Variants in LTBP4 observed in about 807,000 individuals in gnomAD.
LTBP4 encodes latent transforming growth factor beta binding protein 4.
A neutral mutation model predicts 180.2 loss-of-function variants in LTBP4; 93 were observed. That is an observed-to-expected ratio of 0.52 (90% CI 0.44 to 0.61). The LOEUF (loss-of-function observed/expected upper bound fraction) is 0.61. Ranked by LOEUF, LTBP4 falls within the 20% of genes least tolerant of loss-of-function variation. The pLI is 0.00. For synonymous variants in LTBP4, 947 were observed against 934.5 expected (o/e 1.01, Z -0.24); for missense variants, 2,116 against 2,256.5 (o/e 0.94, Z 1.26).
At position 40,609,954 on chromosome 19, in the gene LTBP4, A is replaced by C; in HGVS notation, c.1684+83A>C. 7.0e-7 allele frequency: 1 copy of C among 1,424,180 alleles called. No homozygotes were observed. Among genetic ancestry groups the C allele is most frequent in the Non-Finnish European group, 9.2e-7 (1 of 1,087,616 alleles). 88.2% of individuals were successfully genotyped at this position (1,424,180 alleles called of 1,614,324 possible). On this transcript the variant is annotated intron_variant, in intron 11 of 29. Coordinates refer to ENST00000396819, the MANE Select transcript of LTBP4 (RefSeq NM_001042545.2). The surrounding 1 kb of genome is among the most constrained non-coding windows in gnomAD (Gnocchi z 4.9). ...ACTCCAGAGCCTCTCCAGCCCTCCC[A>C]CGCTTCCCCTCTCGGGTCCCGCCCC...
In LTBP4 at chr19:40,608,279, C is replaced by T. The variant is rs111506468; in HGVS notation, c.1216C>T (p.Arg406Cys). The change falls in exon 8 of 30, where the codon CGC becomes TGC. Residue 406 changes from arginine to cysteine, a missense_variant. Coordinates refer to ENST00000396819, the MANE Select transcript of LTBP4 (RefSeq NM_001042545.2). ...TTACCACTACTCGGCCTCCGACCTCCGCTACAACACCAGACCCCTGGGCCA... is the reference window on the plus strand; with the variant it reads ...TTACCACTACTCGGCCTCCGACCTCTGCTACAACACCAGACCCCTGGGCCA... Reference protein sequence around the residue: ...PGYHYSASDLRYNTRPLGQEP... With the variant: ...PGYHYSASDLCYNTRPLGQEP... 9.2e-5 allele frequency: 148 copies of T among 1,613,910 alleles called. No homozygotes were observed. The highest frequency in any genetic ancestry group is 1.7e-4 in the Admixed American group (10 of 60,016).
At chr19:40,623,900 G>C in intron 25 of LTBP4, 36 bp from the exon 26 acceptor site, 1 of 1,611,838 alleles carries the variant, frequency 6.2e-7, no homozygotes, top group Non-Finnish European at 8.5e-7. Context: ...GGTGGGGAGA[G>C]TTGAAGGGGA....
In LTBP4 at chr19:40,601,376, G is replaced by T. The variant is rs1373875954; in HGVS notation, c.-12G>T. ...CTGGGGCGGCGGCGCGGCGGAGCGC[G>T]GCGCTGCAGCCATGGCGGGCGGCGT... On this transcript the variant is annotated 5_prime_UTR_variant, in exon 1 of 30. Coordinates refer to ENST00000396819, the MANE Select transcript of LTBP4 (RefSeq NM_001042545.2). 9 of 1,206,358 alleles carry T rather than the reference G, an allele frequency of 7.5e-6. No homozygotes were observed. The highest frequency in any genetic ancestry group is 9.3e-6 in the Non-Finnish European group (9 of 970,798). 74.7% of individuals were successfully genotyped at this position (1,206,358 alleles called of 1,614,324 possible). A position where few individuals can be genotyped will look rare whatever the true frequency, so the allele number is the denominator to read the frequency against.
chr19:40,603,317 A>T (rs1218276323), intron 1 of LTBP4, among the ~76,000 whole-genome samples: 1 of 152,174 alleles, frequency 6.6e-6, no homozygotes, highest in East Asian at 1.9e-4. Context: ...GCAGCCATTA[A>T]TAAAAAGCCT....
At position 40,605,237 on chromosome 19, in the gene LTBP4, G is replaced by A; in HGVS notation, c.442+11G>A. On this transcript the variant is annotated intron_variant, in intron 2 of 29. Coordinates refer to ENST00000396819, the MANE Select transcript of LTBP4 (RefSeq NM_001042545.2). This position sits in a 1 kb window ranked among gnomAD's most constrained non-coding sequence, Gnocchi z 5.5. ...GCGACGACGAGCACGGTGAGGAAAG[G>A]GTGGCCAGAGTCCCCTCCGACCCCT... The A allele has an allele frequency of 6.3e-7, 1 of 1,579,730 alleles. No individual in the cohort carries two copies. Among genetic ancestry groups the A allele is most frequent in the Non-Finnish European group, 8.6e-7 (1 of 1,162,574 alleles).
rs2081450699 is a variant in LTBP4 at position 40,605,243 on chromosome 19, C to T, written c.442+17C>T. 1.3e-6 allele frequency: 2 copies of T among 1,576,530 alleles called. No homozygotes were observed. Among genetic ancestry groups the T allele is most frequent in the Admixed American group, 1.8e-5 (1 of 54,132 alleles). On this transcript the variant is annotated intron_variant, in intron 2 of 29. Coordinates refer to ENST00000396819, the MANE Select transcript of LTBP4 (RefSeq NM_001042545.2). This position sits in a 1 kb window ranked among gnomAD's most constrained non-coding sequence, Gnocchi z 5.5. ...ACGAGCACGGTGAGGAAAGGGTGGC[C>T]AGAGTCCCCTCCGACCCCTGTCAAG...
intron 18 of LTBP4, 29 bp from the exon 19 acceptor site, chr19:40,614,286 A>G: frequency 6.3e-7 from 1 of 1,579,846 alleles, no homozygotes; most frequent in Non-Finnish European, 8.6e-7. Flanking sequence ...CCTGCTTCCC[A>G]CATCCGACCA....
rs1158286135 is a variant in LTBP4, at chr19:40,623,720, C to T, written c.3673C>T (p.Leu1225=). 6.2e-7 allele frequency: 1 copy of T among 1,613,844 alleles called. No homozygotes were observed. The highest frequency in any genetic ancestry group is 2.2e-5 in the East Asian group (1 of 44,884). ...SNGYYYHTQR[L]ECIDNDECAD... is the part of the protein sequence containing the mutation. ...CGGCTACTACTACCACACACAGCGG[C>T]TGGAGTGCATCGGTACAAGCCCCAC... is the stretch of plus-strand genomic sequence containing the variant. The change falls in exon 25 of 30, where the codon CTG becomes TTG. Residue 1225 remains leucine, a synonymous_variant. Coordinates refer to ENST00000396819, the MANE Select transcript of LTBP4 (RefSeq NM_001042545.2).
chr19:40,610,505 T>A, intron 11 of LTBP4, 27 bp from the exon 12 acceptor site: 2 of 1,577,438 alleles, frequency 1.3e-6, no homozygotes, highest in Non-Finnish European at 1.7e-6. Flanking sequence ...TCTGCCCCAG[T>A]CCCAGCCGCC....
chr19:40,618,957 G>A (rs759225568), intron 21 of LTBP4, among the ~76,000 whole-genome samples: 11 of 152,026 alleles, frequency 7.2e-5, no homozygotes, highest in Non-Finnish European at 1.6e-4. Flanking sequence ...GAACCTCTGG[G>A]CTAACATCTC....
In LTBP4 at chr19:40,605,368, G is replaced by T. The variant is rs374855586; in HGVS notation, c.443-37G>T. 2 of 1,609,570 alleles carry T rather than the reference G, an allele frequency of 1.2e-6. No homozygotes were observed. The highest frequency in any genetic ancestry group is 1.7e-6 in the Non-Finnish European group (2 of 1,177,740). On this transcript the variant is annotated intron_variant, in intron 2 of 29. Coordinates refer to ENST00000396819, the MANE Select transcript of LTBP4 (RefSeq NM_001042545.2). The surrounding 1 kb of genome is among the most constrained non-coding windows in gnomAD (Gnocchi z 5.5). ...GTCTAGCCCCACCCCGTAAGAACCC[G>T]TGTAGACATCCGTTTGCCCGGCCGT...
Position 40,627,290 on chromosome 19 carries a change from G to C in LTBP4, c.4301G>C (p.Arg1434Pro). ...GGCCCGGGCACCCGCTGGCCCTATC[G>C]GTCCCGGGACACCCGCCGCTCCTTC... ...PPGPGTRWPY[R>P]SRDTRRSFPE... is the part of the protein sequence containing the mutation. Residue 1434 changes from arginine to proline, a missense_variant, in exon 28 of 30, where the codon CGG (arginine) becomes CCG (proline). By Grantham distance (103) the Arg-to-Pro change is moderately radical. Coordinates refer to ENST00000396819, the MANE Select transcript of LTBP4 (RefSeq NM_001042545.2). 2 of 1,512,622 alleles carry C rather than the reference G, an allele frequency of 1.3e-6. No individual in the cohort carries two copies. The highest frequency in any genetic ancestry group is 1.8e-6 in the Non-Finnish European group (2 of 1,132,166). The allele number at this position is 1,512,622 out of a possible 1,614,324, so 93.7% of individuals were successfully genotyped here. A position where few individuals can be genotyped will look rare whatever the true frequency, so the allele number is the denominator to read the frequency against.
At chr19:40,628,790 C>T (rs1222201608) in intron 29 of LTBP4, among the ~76,000 whole-genome samples, 1 of 152,106 alleles carries the variant, frequency 6.6e-6, no homozygotes, top group Non-Finnish European at 1.5e-5. Flanking sequence ...TTGTAATGTG[C>T]TTAAAACAAT....
chr19:40,623,106 C>T, intron 24 of LTBP4, 85 bp downstream of exon 24: 2 of 1,018,260 alleles, frequency 2.0e-6, no homozygotes, highest in Non-Finnish European at 2.8e-6. Context: ...CTGTCTCTCA[C>T]CCTTTCTGTT....
rs2146056428 is a variant in LTBP4, at chr19:40,629,460, C to G, written c.4584C>G (p.Asn1528Lys). 2 of 1,611,732 alleles carry G rather than the reference C, an allele frequency of 1.2e-6. No homozygotes were observed. The highest frequency in any genetic ancestry group is 1.7e-6 in the Non-Finnish European group (2 of 1,178,838). Residue 1528 changes from asparagine to lysine, a missense_variant, in exon 30 of 30, where the codon AAC becomes AAG. Asn to Lys is a moderately conservative substitution (Grantham distance 94). Transcript: ENST00000396819. The surrounding 1 kb of genome is among the most constrained non-coding windows in gnomAD (Gnocchi z 4.5). The stretch of plus-strand genomic sequence containing the variant: ...TGTGCGTCAACGCGCGTTGCCTCAA[C>G]ACGGATGGCTCCTTCCGCTGCATCT... The part of the protein sequence containing the change: ...SPLCVNARCL[N>K]TDGSFRCICR...
chr19:40,622,814 A>G lies in LTBP4; in HGVS notation c.3485-136A>G, dbSNP rs1196473966. 9 of 1,374,684 alleles carry G rather than the reference A, an allele frequency of 6.5e-6. No homozygotes were observed. Among genetic ancestry groups the G allele is most frequent in the Non-Finnish European group, 8.9e-6 (9 of 1,013,930 alleles). The allele number at this position is 1,374,684 out of a possible 1,614,324, so 85.2% of individuals were successfully genotyped here. A position where few individuals can be genotyped will look rare whatever the true frequency, so the allele number is the denominator to read the frequency against. On this transcript the variant is annotated intron_variant, in intron 23 of 29. Transcript: ENST00000396819. This position sits in a 1 kb window ranked among gnomAD's most constrained non-coding sequence, Gnocchi z 5.1. The stretch of plus-strand genomic sequence containing the variant: ...AGGGCGAGCTGCCAGGCAGGTGGGC[A>G]TGGGCAGACATAAGGCTGAGAGGTG...
Position 40,605,506 on chromosome 19 carries a change from G to T in LTBP4, c.544G>T (p.Ala182Ser). 1 of 1,609,874 alleles carries T rather than the reference G, an allele frequency of 6.2e-7. No individual in the cohort carries two copies. The highest frequency in any genetic ancestry group is 2.2e-5 in the East Asian group (1 of 44,810). The change falls in exon 3 of 30, where the codon GCT becomes TCT. Residue 182 changes from alanine to serine, a missense_variant. By Grantham distance (99) the Ala-to-Ser change is moderately conservative (BLOSUM62 1). Transcript: ENST00000396819. This position sits in a 1 kb window ranked among gnomAD's most constrained non-coding sequence, Gnocchi z 5.5. ...GTCTGGCCCTTGGGAGGAGGCGGACGCTGAGGCGGTGGCGCGGGCGGAAGC... is the reference window on the plus strand; with the variant it reads ...GTCTGGCCCTTGGGAGGAGGCGGACTCTGAGGCGGTGGCGCGGGCGGAAGC... Reference protein sequence around the residue: ...RVSGPWEEADAEAVARAEAAA... With the variant: ...RVSGPWEEADSEAVARAEAAA...
At chr19:40,595,271 T>C (rs1256409535) in intron 1 of LTBP4, among the ~76,000 whole-genome samples, 1 of 152,064 alleles carries the variant, frequency 6.6e-6, no homozygotes, top group Non-Finnish European at 1.5e-5. Context: ...AGAAGGGGCT[T>C]GTATTTCAGA....
In LTBP4 at chr19:40,629,432, C is replaced by G. The variant is rs770813716; in HGVS notation, c.4556C>G (p.Pro1519Arg). The part of the protein sequence containing the change: ...NECDEAEAAS[P>R]LCVNARCLNT... ...TGTGATGAGGCCGAGGCTGCCTCCC[C>G]GCTGTGCGTCAACGCGCGTTGCCTC... Residue 1519 changes from proline to arginine, a missense_variant, in exon 30 of 30, where the codon CCG becomes CGG. Transcript: ENST00000396819. The surrounding 1 kb of genome is among the most constrained non-coding windows in gnomAD (Gnocchi z 4.5). 2.5e-6 allele frequency: 4 copies of G among 1,612,796 alleles called. No homozygotes were observed. Among genetic ancestry groups the G allele is most frequent in the Non-Finnish European group, 3.4e-6 (4 of 1,179,548 alleles).
Sources: allele counts gnomAD v4.1 joint callset (sites outside exome capture counted in the v4.1 genomes callset), GRCh38; gene constraint gnomAD v4.1.1; non-coding constraint Gnocchi (gnomAD v3.1); transcripts MANE v1.5; gene names NCBI Gene and HGNC (gene_info 2026-07-23, HGNC 2026-07-21).